CLCN7: variants seen among roughly 807,000 people sequenced by gnomAD.
CLCN7 encodes Cl-/H+ antiporter 7, also known as H(+)/Cl(-) exchange transporter 7.
A neutral mutation model predicts 102.1 loss-of-function variants in CLCN7; 60 were observed. That is an observed-to-expected ratio of 0.59 (90% CI 0.48 to 0.73). The LOEUF (loss-of-function observed/expected upper bound fraction) is 0.73, where lower values mean the gene tolerates loss of function less well. CLCN7 is among the 30% of genes least tolerant of loss of function. The pLI is 0.00. For synonymous variants in CLCN7, 560 were observed against 490.5 expected (o/e 1.14, Z -1.87); for missense variants, 962 against 1,125.7 (o/e 0.85, Z 2.08).
rs116201248 is a variant in CLCN7, at chr16:1,466,150, C to T, written c.142-812G>A. On this transcript the variant is annotated intron_variant, in intron 1 of 24. Transcript: ENST00000382745. ...GGAGGGACCGCATGCGCAGGGCGCCCGCCATCTGCATCAGAGAGCCCGTGC... is the reference window on the plus strand; with the variant it reads ...GGAGGGACCGCATGCGCAGGGCGCCTGCCATCTGCATCAGAGAGCCCGTGC... Among the ~76,000 whole-genome samples, 735 of 152,374 alleles carry T rather than the reference C, an allele frequency of 4.8e-3. 8 individuals carry two copies. Among genetic ancestry groups the T allele is most frequent in the African/African-American group, 0.016 (678 of 41,590 alleles).
intron 17 of CLCN7, chr16:1,450,065 G>T (rs564881779): frequency 4.3e-5 from 9 of 208,754 alleles, no homozygotes; most frequent in Non-Finnish European, 6.8e-5. Context: ...CCCAGTCCCA[G>T]CAGAGGCAGG....
intron 15 of CLCN7, chr16:1,452,178 G>A (rs910095569): frequency 4.6e-5 from 12 of 262,440 alleles, no homozygotes; most frequent in South Asian, 2.2e-4. Flanking sequence ...CCATGGCCCC[G>A]GGCCTCCCAC....
chr16:1,449,386 T>TA (rs1229328418), intron 17 of CLCN7, 59 bp from the exon 18 acceptor site: 2 of 1,518,138 alleles, frequency 1.3e-6, no homozygotes, highest in Non-Finnish European at 1.8e-6. Flanking sequence ...CCCACCAAGA[T>TA]ACACAGACGG....
At chr16:1,447,742 A>G (rs1490270078) in intron 21 of CLCN7, 28 bp from the exon 22 acceptor site, 9 of 1,547,840 alleles carry the variant, frequency 5.8e-6, no homozygotes, top group Non-Finnish European at 7.9e-6. Context: ...GGTCAGGGCC[A>G]CGGGCCCGAG....
rs969923539 is a variant in CLCN7, at chr16:1,446,946, G to A, written c.2331+60C>T. 302 of 1,453,158 alleles carry A rather than the reference G, an allele frequency of 2.1e-4. 1 individual carries two copies. The highest frequency in any genetic ancestry group is 3.6e-4 in the South Asian group (30 of 82,548). 90.0% of individuals were successfully genotyped at this position (1,453,158 alleles called of 1,614,324 possible). On this transcript the variant is annotated intron_variant, in intron 24 of 24. Coordinates refer to ENST00000382745, the MANE Select transcript of CLCN7 (RefSeq NM_001287.6). The stretch of plus-strand genomic sequence containing the variant: ...CCTGCCGGGAGCTGAGAGTAAGCAC[G>A]GGCAGGAGGCAGAGGGGAGCCCTGC...
intron 21 of CLCN7, 56 bp downstream of exon 21, chr16:1,448,299 C>T: frequency 3.1e-6 from 5 of 1,604,432 alleles, no homozygotes; most frequent in Non-Finnish European, 4.3e-6. Flanking sequence ...TGCTTCCCAC[C>T]AATGGACTCG....
At position 1,452,781 on chromosome 16, in the gene CLCN7, C is replaced by G. The variant is rs1172441331; in HGVS notation, c.1327G>C (p.Gly443Arg). The G allele has an allele frequency of 1.9e-5, 30 of 1,605,334 alleles. No homozygotes were observed. The highest frequency in any genetic ancestry group is 2.5e-5 in the Non-Finnish European group (29 of 1,176,558). Residue 443 changes from glycine (G) to arginine (R), a missense_variant, in exon 15 of 25, where the codon GGG (glycine) becomes CGG (arginine). Coordinates refer to ENST00000382745, the MANE Select transcript of CLCN7 (RefSeq NM_001287.6). ...TGCAGCGGGTAGGACATGGAGCCCC[C>G]CTGCAGGGGCTGGCAATCCCGCGAC... ...YSSRDCQPLQ[G>R]GSMSYPLQLF...
At chr16:1,465,194 C>T (rs555099692) in intron 2 of CLCN7, 73 bp downstream of exon 2, 676 of 1,453,320 alleles carry the variant, frequency 4.7e-4, no homozygotes, top group Non-Finnish European at 6.0e-4. Context: ...CCGCTCGGCC[C>T]GTGCCCATCC....
rs776553883 is a variant in CLCN7, at chr16:1,474,948, G to A, written c.27C>T (p.Ser9=). Reference sequence around the variant, plus strand: ...CGTCGTCCCGGTCCCGGCCGGACCAGGACACCTTCTTAGAGACGTTGGCCA... The same window carrying A: ...CGTCGTCCCGGTCCCGGCCGGACCAAGACACCTTCTTAGAGACGTTGGCCA... MANVSKKV[S]WSGRDRDDEE... The change falls in exon 1 of 25, where the codon TCC becomes TCT. Residue 9 remains serine, a synonymous_variant. Transcript: ENST00000382745. 3.2e-5 allele frequency: 48 copies of A among 1,492,358 alleles called. No individual in the cohort carries two copies. Among genetic ancestry groups the A allele is most frequent in the Non-Finnish European group, 4.3e-5 (48 of 1,126,456 alleles). The allele number at this position is 1,492,358 out of a possible 1,614,324, so 92.4% of individuals were successfully genotyped here.
At chr16:1,473,948 G>T (rs914479138) in intron 1 of CLCN7, among the ~76,000 whole-genome samples, 2 of 152,090 alleles carry the variant, frequency 1.3e-5, no homozygotes, top group African/African-American at 4.8e-5. Flanking sequence ...GCCGGGCGCG[G>T]TGGCGCACGC....
chr16:1,451,026 C>T (rs901887944), intron 16 of CLCN7, among the ~76,000 whole-genome samples: 20 of 152,252 alleles, frequency 1.3e-4, no homozygotes, highest in African/African-American at 4.8e-4. Flanking sequence ...GTGCCCCCCA[C>T]AGCCTGGGGT....
chr16:1,470,811 G>A (rs2039068113), intron 1 of CLCN7, among the ~76,000 whole-genome samples: 1 of 152,194 alleles, frequency 6.6e-6, no homozygotes, highest in Non-Finnish European at 1.5e-5. Context: ...GGCTCCGGGT[G>A]CCCAGGCAGG....
chr16:1,451,832 C>A, intron 15 of CLCN7, 116 bp from the exon 16 acceptor site: 1 of 784,124 alleles, frequency 1.3e-6, no homozygotes, highest in Non-Finnish European at 2.2e-6. Context: ...GCATCAGGCG[C>A]GAAACCACAC....
chr16:1,461,666 G>C lies in CLCN7; in HGVS notation c.222C>G (p.Asp74Glu). The change falls in exon 3 of 25, where the codon GAC (aspartate) becomes GAG (glutamate). Residue 74 changes from aspartate to glutamate, a missense_variant. Asp to Glu is a conservative substitution (Grantham distance 45). Around this residue, in one of 2 missense-constraint regions of CLCN7, gnomAD observed 163 missense variants for 137.7 expected, o/e 1.18. Coordinates refer to ENST00000382745, the MANE Select transcript of CLCN7 (RefSeq NM_001287.6). ...LDDELLDPDM[D>E]PPHPFPKEIP... ...TCTCCTTGGGGAAGGGATGTGGAGG[G>C]TCCATATCCTGTGGCAGAAAAAGGC... 6.2e-7 allele frequency: 1 copy of C among 1,613,746 alleles called. No individual in the cohort carries two copies. The highest frequency in any genetic ancestry group is 1.1e-5 in the South Asian group (1 of 91,046).
chr16:1,453,725 T>G, intron 14 of CLCN7, 109 bp downstream of exon 14: 1 of 1,056,788 alleles, frequency 9.5e-7, no homozygotes, highest in South Asian at 1.3e-5. Context: ...TACACAGCCT[T>G]TCTTTCGGCT....
At position 1,446,467 on chromosome 16, in the gene CLCN7, G is replaced by A. The variant is rs920897845; in HGVS notation, c.*164C>T. On this transcript the variant is annotated 3_prime_UTR_variant, in exon 25 of 25. Transcript: ENST00000382745. ...CTGCCCACAACAGGGTCAGTCCCGC[G>A]AGAGGGTCAGTTCCGCGCCTGCCGC... 4 of 723,710 alleles carry A rather than the reference G, an allele frequency of 5.5e-6. No homozygotes were observed. Among genetic ancestry groups the A allele is most frequent in the Admixed American group, 2.0e-5 (1 of 50,014 alleles). The allele number at this position is 723,710 out of a possible 1,614,324, so 44.8% of individuals were successfully genotyped here. A position where few individuals can be genotyped will look rare whatever the true frequency, so the allele number is the denominator to read the frequency against.
intron 7 of CLCN7, among the ~76,000 whole-genome samples, chr16:1,458,796 C>T (rs1223719630): frequency 5.3e-5 from 8 of 152,356 alleles, no homozygotes; most frequent in African/African-American, 1.4e-4. Flanking sequence ...ACAGCTTCCA[C>T]GGTGAATCAG....
intron 1 of CLCN7, chr16:1,474,032 C>A (rs1455203175): frequency 7.2e-6 from 3 of 414,262 alleles, no homozygotes; most frequent in Non-Finnish European, 1.4e-5. Context: ...TGCAGTGAGC[C>A]GAGATCGCGC....
rs909841674 is a variant in CLCN7 at position 1,445,268 on chromosome 16, C to A, written c.*1363G>T. 6.6e-6 allele frequency: 1 copy of A among 152,214 alleles called. No homozygotes were observed. Among genetic ancestry groups the A allele is most frequent in the African/African-American group, 2.4e-5 (1 of 41,460 alleles). The allele number at this position is 152,214 out of a possible 1,614,324, so 9.4% of individuals were successfully genotyped here. A position where few individuals can be genotyped will look rare whatever the true frequency, so the allele number is the denominator to read the frequency against. On this transcript the variant is annotated 3_prime_UTR_variant, in exon 25 of 25. Coordinates refer to ENST00000382745, the MANE Select transcript of CLCN7 (RefSeq NM_001287.6). ...TCTCACTCCACACGGTGCCCCGACC[C>A]CAGGGTCCCGAAAGTCCCAGGCTGT... is the stretch of plus-strand genomic sequence containing the variant.
Sources: allele counts gnomAD v4.1 joint callset (sites outside exome capture counted in the v4.1 genomes callset), GRCh38; gene constraint gnomAD v4.1.1; regional missense constraint gnomAD v4.1.1; transcripts MANE v1.5; gene names NCBI Gene and HGNC (gene_info 2026-07-23, HGNC 2026-07-21).